Variants in ORC5 observed in about 807,000 individuals in gnomAD.
ORC5 encodes origin recognition complex subunit 5.
ORC5 carries 39 observed loss-of-function variants against 58.8 expected under a neutral mutation model. The ratio of observed to expected loss-of-function variants is 0.66; its 90% CI spans 0.51 to 0.87. The LOEUF (loss-of-function observed/expected upper bound fraction) is 0.87. ORC5 is among the 40% of genes least tolerant of loss of function. The pLI, the probability that ORC5 is intolerant of heterozygous loss-of-function variation, is 0.00. For synonymous variants in ORC5, 218 were observed against 177.6 expected (o/e 1.23, Z -1.81); for missense variants, 493 against 506.3 (o/e 0.97, Z 0.25).
intron 12 of ORC5, among the ~76,000 whole-genome samples, chr7:104,147,406 G>T (rs759686262): frequency 1.3e-5 from 2 of 152,052 alleles, no homozygotes; most frequent in Non-Finnish European, 2.9e-5. Flanking sequence ...ATATATTTTT[G>T]AATGATAAAA....
At chr7:104,186,367 G>A (rs190733053) in intron 6 of ORC5, among the ~76,000 whole-genome samples, 2 of 152,204 alleles carry the variant, frequency 1.3e-5, no homozygotes, top group East Asian at 3.9e-4. Context: ...TGATATATAT[G>A]GGACTGGTCC....
intron 5 of ORC5, among the ~76,000 whole-genome samples, chr7:104,189,327 T>C (rs947584724): frequency 3.3e-5 from 5 of 152,002 alleles, no homozygotes; most frequent in African/African-American, 1.2e-4. Flanking sequence ...GCAGGGAAAA[T>C]GCCGGATACT....
At chr7:104,183,806 T>C (rs546913236) in intron 8 of ORC5, 137 bp downstream of exon 8, 1 of 613,514 alleles carries the variant, frequency 1.6e-6, no homozygotes, top group East Asian at 2.8e-5. Context: ...CTACAGCATG[T>C]GCTTTCCCAT....
chr7:104,142,871 G>A (rs1464007471), intron 12 of ORC5, among the ~76,000 whole-genome samples: 1 of 152,156 alleles, frequency 6.6e-6, no homozygotes, highest in African/African-American at 2.4e-5. Flanking sequence ...AAGGGATCCA[G>A]GAGTCTTCGT....
rs991120690 is a variant in ORC5, at chr7:104,133,589, G to T, written c.1262+3192C>A. ...GCTGGGAAACAGCAATAAAGGTCAAGAATATTATAAAAAATAGGTCTGGTC... is the reference window on the plus strand; with the variant it reads ...GCTGGGAAACAGCAATAAAGGTCAATAATATTATAAAAAATAGGTCTGGTC... On this transcript the variant is annotated intron_variant, in intron 13 of 13. Transcript: ENST00000297431. The surrounding 1 kb of genome is among the most constrained non-coding windows in gnomAD (Gnocchi z 4.7). Among the ~76,000 whole-genome samples the T allele has an allele frequency of 6.6e-6, 1 of 152,028 alleles. No individual in the cohort carries two copies. The highest frequency in any genetic ancestry group is 1.9e-4 in the East Asian group (1 of 5,196).
Position 104,126,863 on chromosome 7 carries a change from C to G in ORC5, c.1293G>C (p.Leu431Phe). 2 of 1,607,060 alleles carry G rather than the reference C, an allele frequency of 1.2e-6. No homozygotes were observed. Among genetic ancestry groups the G allele is most frequent in the South Asian group, 2.2e-5 (2 of 90,384 alleles). ...RTVNFDIIKY[L>F]YDFL The stretch of plus-strand genomic sequence containing the variant: ...AAGCTTGTTTTCACAAGAAATCATA[C>G]AAGTATTTTATTATGTCAAAGTTCA... The change falls in exon 14 of 14, where the codon TTG becomes TTC. Residue 431 changes from leucine to phenylalanine, a missense_variant. By Grantham distance (22) the Leu-to-Phe change is conservative. This residue lies in a region of ORC5 where 77 missense variants were observed against 86.1 expected (regional missense o/e 0.89). Transcript: ENST00000297431.
chr7:104,189,517 T>A (rs756706716), intron 5 of ORC5, among the ~76,000 whole-genome samples: 4 of 152,112 alleles, frequency 2.6e-5, no homozygotes, highest in Admixed American at 2.0e-4. Context: ...CCCCACCTCC[T>A]GTCCTTGGGA....
chr7:104,157,093 A>G (rs1798939351), intron 12 of ORC5, among the ~76,000 whole-genome samples: 1 of 152,004 alleles, frequency 6.6e-6, no homozygotes, highest in South Asian at 2.1e-4. Context: ...TATAATTTTG[A>G]TAGAAGAATA....
rs1798538085 is a variant in ORC5, at chr7:104,133,094, C to T, written c.1262+3687G>A. Among the ~76,000 whole-genome samples the T allele has an allele frequency of 6.6e-6, 1 of 152,050 alleles. No homozygotes were observed. Among genetic ancestry groups the T allele is most frequent in the Non-Finnish European group, 1.5e-5 (1 of 68,026 alleles). ...ACAGGTAGGGGCCAGATCATTTGGG[C>T]CTTGTTAGTTATTTAAAAGATTCTG... is the stretch of plus-strand genomic sequence containing the variant. On this transcript the variant is annotated intron_variant, in intron 13 of 13. Transcript: ENST00000297431. This position sits in a 1 kb window ranked among gnomAD's most constrained non-coding sequence, Gnocchi z 4.7.
chr7:104,192,794 A>G (rs1799704498), intron 5 of ORC5, among the ~76,000 whole-genome samples: 1 of 152,050 alleles, frequency 6.6e-6, no homozygotes, highest in Admixed American at 6.6e-5. Context: ...ATACAAAAGA[A>G]AACAAAAGCA....
intron 13 of ORC5, among the ~76,000 whole-genome samples, chr7:104,127,955 A>G (rs964493970): frequency 5.3e-5 from 8 of 152,224 alleles, no homozygotes; most frequent in Admixed American, 5.2e-4. Flanking sequence ...TCCAAATGGT[A>G]TAAAACTGCC....
At position 104,200,935 on chromosome 7, in the gene ORC5, A is replaced by G. The variant is rs1263197658; in HGVS notation, c.189T>C (p.Cys63=). 3 of 1,613,182 alleles carry G rather than the reference A, an allele frequency of 1.9e-6. No individual in the cohort carries two copies. The East Asian group carries it at 6.7e-5, about 36-fold the overall frequency. ...GCAGCCTCAATGTAAAGCATTCAACACAATTCACAAACACATGTGGGAGCT... is the reference window on the plus strand; with the variant it reads ...GCAGCCTCAATGTAAAGCATTCAACGCAATTCACAAACACATGTGGGAGCT... ...TLELPHVFVN[C]VECFTLRLLL... is the part of the protein sequence containing the mutation. Residue 63 remains cysteine (C), a synonymous_variant, in exon 3 of 14, where the codon TGT becomes TGC. Transcript: ENST00000297431.
chr7:104,182,741 A>G (rs1040821967), intron 8 of ORC5, among the ~76,000 whole-genome samples: 2 of 152,300 alleles, frequency 1.3e-5, no homozygotes, highest in African/African-American at 4.8e-5. Flanking sequence ...CTTTAAGCGG[A>G]GGTTCACAGT....
intron 10 of ORC5, 61 bp from the exon 11 acceptor site, chr7:104,165,343 G>A (rs1799090486): frequency 3.1e-6 from 3 of 959,282 alleles, no homozygotes; most frequent in East Asian, 2.5e-5. Context: ...ACCAGAAAAC[G>A]TTATTTATTT....
In ORC5 at chr7:104,133,977, A is replaced by T. The variant is rs181456016; in HGVS notation, c.1262+2804T>A. 8.5e-4 allele frequency among the ~76,000 whole-genome samples: 129 copies of T among 152,248 alleles called. 3 individuals are homozygous for T. Among genetic ancestry groups the T allele is most frequent in the African/African-American group, 2.7e-3 (113 of 41,534 alleles). On this transcript the variant is annotated intron_variant, in intron 13 of 13. Coordinates refer to ENST00000297431, the MANE Select transcript of ORC5 (RefSeq NM_002553.4). The surrounding 1 kb of genome is among the most constrained non-coding windows in gnomAD (Gnocchi z 4.7). ...AATCTACCTTAGGAAGAGGAACCCCATCCTGCTGAAAAAGGAAAGAAAGAG... is the reference window on the plus strand; with the variant it reads ...AATCTACCTTAGGAAGAGGAACCCCTTCCTGCTGAAAAAGGAAAGAAAGAG...
At chr7:104,191,352 T>A (rs1269586511) in intron 5 of ORC5, among the ~76,000 whole-genome samples, 1 of 151,950 alleles carries the variant, frequency 6.6e-6, no homozygotes, top group East Asian at 1.9e-4. Flanking sequence ...AAGAGATAAA[T>A]GATCACAGAG....
intron 12 of ORC5, among the ~76,000 whole-genome samples, chr7:104,150,026 C>T (rs1257829726): frequency 1.3e-5 from 2 of 152,020 alleles, no homozygotes; most frequent in African/African-American, 4.8e-5. Flanking sequence ...TATGTTGTAA[C>T]AATAGGAGTT....
At chr7:104,207,184 T>C (rs564612013) in intron 1 of ORC5, among the ~76,000 whole-genome samples, 3 of 152,102 alleles carry the variant, frequency 2.0e-5, no homozygotes, top group East Asian at 3.9e-4. Context: ...CACCAGAAAA[T>C]AGTCAAAAAT....
At position 104,190,477 on chromosome 7, in the gene ORC5, C is replaced by T. The variant is rs73191419; in HGVS notation, c.554-2096G>A. 4.5e-3 allele frequency among the ~76,000 whole-genome samples: 684 copies of T among 152,224 alleles called. 4 individuals are homozygous for T. The highest frequency in any genetic ancestry group is 8.1e-3 in the Non-Finnish European group (553 of 68,004). ...TCCCTACAACTTTGATATCTTTACT[C>T]TACTTCTATTATATCTCAGACTCTT... On this transcript the variant is annotated intron_variant, in intron 5 of 13. Coordinates refer to ENST00000297431, the MANE Select transcript of ORC5 (RefSeq NM_002553.4).
Sources: allele counts gnomAD v4.1 joint callset (sites outside exome capture counted in the v4.1 genomes callset), GRCh38; gene constraint gnomAD v4.1.1; regional missense constraint gnomAD v4.1.1; non-coding constraint Gnocchi (gnomAD v3.1); transcripts MANE v1.5; gene names NCBI Gene and HGNC (gene_info 2026-07-23, HGNC 2026-07-21).